Variants in EXT1 observed in about 807,000 individuals in gnomAD.
EXT1 encodes the protein exostosin-1.
Under a neutral mutation model 82.5 loss-of-function variants are expected in EXT1, and 20 were observed. The ratio of observed to expected loss-of-function variants is 0.24; its 90% CI spans 0.17 to 0.35. The LOEUF (loss-of-function observed/expected upper bound fraction) is 0.35. Ranked by LOEUF, EXT1 falls within the 10% of genes least tolerant of loss-of-function variation. The pLI, the probability that EXT1 is intolerant of heterozygous loss-of-function variation, is 1.00. For synonymous variants in EXT1, 348 were observed against 350.8 expected, an observed-to-expected ratio of 0.99 and a Z score of 0.09; for missense variants, 757 against 936.5, an observed-to-expected ratio of 0.81 and a Z score of 2.50.
intron 1 of EXT1, among the ~76,000 whole-genome samples, chr8:117,850,905 C>G (rs1365032807): frequency 6.6e-6 from 1 of 152,152 alleles, no homozygotes; most frequent in Non-Finnish European, 1.5e-5. Flanking sequence ...ACAATATTAT[C>G]TACCAAGACC....
chr8:118,018,544 A>G (rs1462024819), intron 1 of EXT1, among the ~76,000 whole-genome samples: 1 of 152,202 alleles, frequency 6.6e-6, no homozygotes, highest in East Asian at 1.9e-4. Flanking sequence ...TATTTAATCC[A>G]CCAAGTTTAT....
At chr8:117,912,749 G>A (rs1458572519) in intron 1 of EXT1, among the ~76,000 whole-genome samples, 1 of 152,168 alleles carries the variant, frequency 6.6e-6, no homozygotes, top group Non-Finnish European at 1.5e-5. Flanking sequence ...TACATATAAT[G>A]TCCCAAAGTC....
chr8:118,050,242 T>C (rs559566732), intron 1 of EXT1, among the ~76,000 whole-genome samples: 4 of 152,278 alleles, frequency 2.6e-5, no homozygotes, highest in African/African-American at 9.6e-5. Flanking sequence ...CCCGAAATAT[T>C]TGTAACCTGG....
At position 117,870,850 on chromosome 8, in the gene EXT1, A is replaced by ACACACACACACACACAC. The variant is rs1563586222; in HGVS notation, c.963-33650_963-33649insGTGTGTGTGTGTGTGTG. ...ACACACACACACACACACACACACA[A>ACACACACACACACACAC]AAGATTGAAGGAATAAAAAACATAT... is the stretch of plus-strand genomic sequence containing the variant. On this transcript the variant is annotated intron_variant, in intron 1 of 10. Coordinates refer to ENST00000378204, the MANE Select transcript of EXT1 (RefSeq NM_000127.3). Among the ~76,000 whole-genome samples, 286 of 89,658 alleles carry ACACACACACACACACAC rather than the reference A, an allele frequency of 3.2e-3. 2 individuals carry two copies. Among genetic ancestry groups the ACACACACACACACACAC allele is most frequent in the African/African-American group, 0.026 (262 of 10,274 alleles). 58.8% of individuals were successfully genotyped at this position (89,658 alleles called of 152,430 possible). A position where few individuals can be genotyped will look rare whatever the true frequency, so the allele number is the denominator to read the frequency against.
intron 1 of EXT1, among the ~76,000 whole-genome samples, chr8:117,850,019 C>T (rs1402884086): frequency 1.3e-5 from 2 of 152,192 alleles, no homozygotes; most frequent in Admixed American, 6.6e-5. Context: ...GAATGGCTGG[C>T]CATGAGTCCC....
chr8:117,903,593 G>C (rs1159484855), intron 1 of EXT1, among the ~76,000 whole-genome samples: 1 of 152,134 alleles, frequency 6.6e-6, no homozygotes, highest in Non-Finnish European at 1.5e-5. Flanking sequence ...TTCCAGAAAG[G>C]AGTCAGACAG....
intron 1 of EXT1, among the ~76,000 whole-genome samples, chr8:118,018,736 T>C (rs1816047890): frequency 6.6e-6 from 1 of 152,180 alleles, no homozygotes; most frequent in African/African-American, 2.4e-5. Flanking sequence ...CAGTTGTGGG[T>C]GCATGAGGTT....
chr8:117,928,098 C>T (rs1017490570), intron 1 of EXT1, among the ~76,000 whole-genome samples: 1 of 152,170 alleles, frequency 6.6e-6, no homozygotes, highest in African/African-American at 2.4e-5. Flanking sequence ...GATGGCATAC[C>T]CTTTATCATA....
At chr8:117,895,781 T>G (rs1401991144) in intron 1 of EXT1, among the ~76,000 whole-genome samples, 1 of 152,248 alleles carries the variant, frequency 6.6e-6, no homozygotes. Context: ...AAAGGTTTCA[T>G]GCTGGAAACA....
chr8:118,076,821 T>G (rs189077877), intron 1 of EXT1, among the ~76,000 whole-genome samples: 2 of 152,364 alleles, frequency 1.3e-5, no homozygotes, highest in Admixed American at 1.3e-4. Flanking sequence ...AATTATACAG[T>G]AATTTTTCTT....
At chr8:118,057,771 C>A (rs773631703) in intron 1 of EXT1, among the ~76,000 whole-genome samples, 117 of 151,650 alleles carry the variant, frequency 7.7e-4, no homozygotes, top group Non-Finnish European at 3.7e-4. Flanking sequence ...GTCAGAAGAT[C>A]GAGACCATCA....
chr8:117,875,457 TAAATAA>T (rs1812952987), intron 1 of EXT1, among the ~76,000 whole-genome samples: 1 of 144,066 alleles, frequency 6.9e-6, no homozygotes, highest in Non-Finnish European at 1.5e-5. Flanking sequence ...AATAAATAAA[TAAATAA>T]ATAAAATAAT....
chr8:117,948,784 T>G (rs972353124), intron 1 of EXT1, among the ~76,000 whole-genome samples: 3 of 152,250 alleles, frequency 2.0e-5, no homozygotes, highest in Non-Finnish European at 4.4e-5. Flanking sequence ...GTAATTTGTC[T>G]TGGTCTTCAT....
intron 1 of EXT1, among the ~76,000 whole-genome samples, chr8:118,109,075 A>C (rs1817844933): frequency 6.6e-6 from 1 of 152,192 alleles, no homozygotes; most frequent in Non-Finnish European, 1.5e-5. Context: ...CTGGTCCACC[A>C]AGCTCAGGAT....
At position 117,966,729 on chromosome 8, in the gene EXT1, A is replaced by G. The variant is rs898757893; in HGVS notation, c.963-129528T>C. ...CTCCATTTTGATGAAGGGAAAGACTAAAAATAATTCTTTAAGACTGAGAAC... is the reference window on the plus strand; with the variant it reads ...CTCCATTTTGATGAAGGGAAAGACTGAAAATAATTCTTTAAGACTGAGAAC... On this transcript the variant is annotated intron_variant, in intron 1 of 10. Transcript: ENST00000378204. Among the ~76,000 whole-genome samples the G allele has an allele frequency of 4.6e-5, 7 of 152,226 alleles. No homozygotes were observed. In the South Asian group the frequency reaches 1.4e-3, roughly 31 times the overall value.
At chr8:117,947,758 G>A (rs1314518871) in intron 1 of EXT1, among the ~76,000 whole-genome samples, 1 of 152,124 alleles carries the variant, frequency 6.6e-6, no homozygotes, top group Non-Finnish European at 1.5e-5. Context: ...AAAGTCTAAT[G>A]GGGGATACAA....
chr8:118,029,540 C>G (rs1816268985), intron 1 of EXT1, among the ~76,000 whole-genome samples: 1 of 152,088 alleles, frequency 6.6e-6, no homozygotes, highest in South Asian at 2.1e-4. Context: ...TAAATTATAG[C>G]CCCCTTTGAG....
chr8:117,961,199 G>A (rs1315198489), intron 1 of EXT1, among the ~76,000 whole-genome samples: 1 of 150,218 alleles, frequency 6.7e-6, no homozygotes, highest in African/African-American at 2.5e-5. Context: ...AACAGGCAAA[G>A]TCTTGCTATG....
intron 4 of EXT1, 124 bp downstream of exon 4, chr8:117,830,106 C>T: frequency 8.1e-7 from 1 of 1,236,392 alleles, no homozygotes; most frequent in Non-Finnish European, 1.2e-6. Flanking sequence ...CCAATATATC[C>T]AAGTACAGGA....
Sources: gnomAD v4.1 joint callset for allele counts (sites outside exome capture counted in the v4.1 genomes callset) on GRCh38, gnomAD v4.1.1 for gene constraint, MANE v1.5 for transcripts, NCBI Gene and HGNC (gene_info 2026-07-23, HGNC 2026-07-21) for gene names.